Variants in MX2 observed in about 807,000 individuals in gnomAD.
MX2 encodes the protein MX dynamin like GTPase 2, also known as interferon-induced GTP-binding protein Mx2.
In MX2, 51 loss-of-function variants were observed where a neutral mutation model predicts 74.0. The observed-to-expected ratio is 0.69, with a 90% confidence interval of 0.55 to 0.87. The LOEUF (loss-of-function observed/expected upper bound fraction) is 0.87, where lower values mean the gene tolerates loss of function less well. Ranked by LOEUF, MX2 falls within the 40% of genes least tolerant of loss-of-function variation. MX2 has a pLI of 0.00. For synonymous variants in MX2, 369 were observed against 339.3 expected (o/e 1.09, Z -0.96); for missense variants, 832 against 908.7 (o/e 0.92, Z 1.09).
intron 1 of MX2, chr21:41,370,622 A>G (rs1166621539): frequency 6.6e-6 from 1 of 152,256 alleles, no homozygotes; most frequent in Non-Finnish European, 1.5e-5. Context: ...AAGAGTTGGA[A>G]GCAAAAATCT....
chr21:41,399,421 AAGAG>A, intron 10 of MX2, 84 bp downstream of exon 10: 1 of 1,443,474 alleles, frequency 6.9e-7, no homozygotes, highest in Non-Finnish European at 9.5e-7. Flanking sequence ...TAAGTGTGCC[AAGAG>A]TGGAACACGT....
At chr21:41,387,125 G>T (rs2089590029) in intron 5 of MX2, among the ~76,000 whole-genome samples, 1 of 152,174 alleles carries the variant, frequency 6.6e-6, no homozygotes, top group Non-Finnish European at 1.5e-5. Context: ...TCTCTTCTCA[G>T]ATTCTTCATT....
intron 4 of MX2, among the ~76,000 whole-genome samples, chr21:41,381,066 C>T (rs894946875): frequency 5.3e-5 from 8 of 152,248 alleles, no homozygotes; most frequent in African/African-American, 1.9e-4. Context: ...CACAGAACCC[C>T]TGTCTGCCTG....
In MX2 at chr21:41,395,772, C is replaced by T; in HGVS notation, c.1057C>T (p.His353Tyr). ...GAAAGAAATTACATTCTTTCAAACACATCCATATTTCAGGTGAGACTCTTC... is the reference window on the plus strand; with the variant it reads ...GAAAGAAATTACATTCTTTCAAACATATCCATATTTCAGGTGAGACTCTTC... ...TKKEITFFQT[H>Y]PYFRVLLEEG... The change falls in exon 7 of 14, where the codon CAT (histidine) becomes TAT (tyrosine). Residue 353 changes from histidine to tyrosine, a missense_variant. Physicochemically the swap from His to Tyr is moderately conservative, Grantham distance 83. Coordinates refer to ENST00000330714, the MANE Select transcript of MX2 (RefSeq NM_002463.2). 1 of 1,614,112 alleles carries T rather than the reference C, an allele frequency of 6.2e-7. No homozygotes were observed. Among genetic ancestry groups the T allele is most frequent in the Non-Finnish European group, 8.5e-7 (1 of 1,180,032 alleles).
rs56903696 is a variant in MX2 at position 41,362,750 on chromosome 21, CT to C, written c.-72+721del. On this transcript the variant is annotated intron_variant, in intron 1 of 13. Transcript: ENST00000330714. ...GGTATTGATGACGCAGTTTTTTTTT[CT>C]TTTTTTTTTTTTTTTTTTTTTTTTT... Among the ~76,000 whole-genome samples the C allele has an allele frequency of 6.1e-3, 503 of 82,170 alleles. 6 individuals are homozygous for C. Among genetic ancestry groups the C allele is most frequent in the African/African-American group, 0.022 (448 of 20,276 alleles). 53.9% of individuals were successfully genotyped at this position (82,170 alleles called of 152,430 possible).
rs77609941 is a variant in MX2, at chr21:41,380,208, G to A, written c.577+57G>A. On this transcript the variant is annotated intron_variant, in intron 4 of 13. Transcript: ENST00000330714. This position sits in a 1 kb window ranked among gnomAD's most constrained non-coding sequence, Gnocchi z 4.3. ...GGCAGCCGCTCCTCTCACTTCCTCGGTTCCTTCTCCTCTTCCTCAAGTCAC... is the reference window on the plus strand; with the variant it reads ...GGCAGCCGCTCCTCTCACTTCCTCGATTCCTTCTCCTCTTCCTCAAGTCAC... 6.2e-7 allele frequency: 1 copy of A among 1,606,692 alleles called. No individual in the cohort carries two copies. The highest frequency in any genetic ancestry group is 1.3e-5 in the African/African-American group (1 of 74,786).
At chr21:41,372,059 A>G (rs1443336876) in intron 1 of MX2, among the ~76,000 whole-genome samples, 1 of 152,230 alleles carries the variant, frequency 6.6e-6, no homozygotes, top group Non-Finnish European at 1.5e-5. Flanking sequence ...CAGTAAGTCT[A>G]TAATCTTTTG....
intron 13 of MX2, 42 bp from the exon 14 acceptor site, chr21:41,407,949 G>A: frequency 6.2e-7 from 1 of 1,611,368 alleles, no homozygotes. Flanking sequence ...CAGGCCTTGG[G>A]CTGAGACCAC....
At position 41,408,166 on chromosome 21, in the gene MX2, A is replaced by G. The variant is rs1364517483; in HGVS notation, c.2081A>G (p.Glu694Gly). The stretch of plus-strand genomic sequence containing the variant: ...GCTACCAAGAGAAGAATCCTTAAGG[A>G]GAGAATTTACCGGCTCACTCAGGCG... Reference protein sequence around the residue: ...ETATKRRILKERIYRLTQARH... With the variant: ...ETATKRRILKGRIYRLTQARH... The change falls in exon 14 of 14, where the codon GAG becomes GGG. Residue 694 changes from glutamate to glycine, a missense_variant. Coordinates refer to ENST00000330714, the MANE Select transcript of MX2 (RefSeq NM_002463.2). The G allele has an allele frequency of 1.2e-6, 2 of 1,614,094 alleles. No individual in the cohort carries two copies. The highest frequency in any genetic ancestry group is 1.3e-5 in the African/African-American group (1 of 74,920).
chr21:41,404,227 C>T (rs1201594866), intron 12 of MX2: 1 of 153,556 alleles, frequency 6.5e-6, no homozygotes, highest in Non-Finnish European at 1.4e-5. Context: ...TAGACACAGC[C>T]TTGCAGCAGC....
rs767661030 is a variant in MX2 at position 41,390,567 on chromosome 21, C to T, written c.735C>T (p.Ile245=). The change falls in exon 6 of 14, where the codon ATC becomes ATT. Residue 245 remains isoleucine (I), a splice_region_variant and synonymous_variant. Transcript: ENST00000330714. ...TTTGTGCGATTCTTTGGCATCAGATCAAGGCTCTCATCAAGAAGTACATCC... is the reference window on the plus strand; with the variant it reads ...TTTGTGCGATTCTTTGGCATCAGATTAAGGCTCTCATCAAGAAGTACATCC... ...DNQPRDIGLQ[I]KALIKKYIQR... is the part of the protein sequence containing the mutation. 6.2e-7 allele frequency: 1 copy of T among 1,614,102 alleles called. No homozygotes were observed. Among genetic ancestry groups the T allele is most frequent in the Non-Finnish European group, 8.5e-7 (1 of 1,179,986 alleles).
chr21:41,396,364 G>A (rs966185965), intron 7 of MX2, among the ~76,000 whole-genome samples: 1 of 152,214 alleles, frequency 6.6e-6, no homozygotes, highest in African/African-American at 2.4e-5. Context: ...TCTGTAGTTT[G>A]TAGGACGCTG....
intron 8 of MX2, among the ~76,000 whole-genome samples, 161 bp from the exon 9 acceptor site, chr21:41,398,735 TG>T (rs1387857567): frequency 6.6e-6 from 1 of 152,214 alleles, no homozygotes; most frequent in Non-Finnish European, 1.5e-5. Context: ...CCAGTCAAGG[TG>T]GCCTACACAT....
At chr21:41,393,036 G>C (rs971706093) in intron 6 of MX2, among the ~76,000 whole-genome samples, 3 of 139,538 alleles carry the variant, frequency 2.1e-5, no homozygotes, top group Non-Finnish European at 3.0e-5. Flanking sequence ...AACCTGAGAC[G>C]AAGTTTGCAG....
chr21:41,403,949 G>A (rs956530453), intron 12 of MX2: 2 of 248,156 alleles, frequency 8.1e-6, no homozygotes, highest in African/African-American at 4.6e-5. Context: ...GCCTGTTAGT[G>A]AAAATTAAAT....
At position 41,402,709 on chromosome 21, in the gene MX2, A is replaced by G. The variant is rs466110; in HGVS notation, c.1574-558A>G. The G allele has an allele frequency of 0.76, 120,285 of 157,586 alleles. 46,490 individuals carry two copies. Among genetic ancestry groups the G allele is most frequent in the Non-Finnish European group, 0.83 (59,216 of 71,078 alleles). The allele number at this position is 157,586 out of a possible 1,614,324, so 9.8% of individuals were successfully genotyped here. On this transcript the variant is annotated intron_variant, in intron 11 of 13. Coordinates refer to ENST00000330714, the MANE Select transcript of MX2 (RefSeq NM_002463.2). This position sits in a 1 kb window ranked among gnomAD's most constrained non-coding sequence, Gnocchi z 4.5. ...AAATAATTACACAGCTCACCAAAAT[A>G]TAGAATCCTCATTATGGTGGGAGCC... is the stretch of plus-strand genomic sequence containing the variant.
intron 5 of MX2, among the ~76,000 whole-genome samples, chr21:41,384,566 G>A (rs1025184159): frequency 1.3e-5 from 2 of 152,178 alleles, no homozygotes; most frequent in African/African-American, 4.8e-5. Flanking sequence ...ACAGCCACGT[G>A]CCCTATGGGA....
rs552403297 is a variant in MX2 at position 41,390,484 on chromosome 21, C to G, written c.733-81C>G. On this transcript the variant is annotated intron_variant, in intron 5 of 13. Coordinates refer to ENST00000330714, the MANE Select transcript of MX2 (RefSeq NM_002463.2). Reference sequence around the variant, plus strand: ...TGGGACAATGTTGCCTTTGCGCCATCATGCCTGCCTGCCTGGCCGTGCTGC... The same window carrying G: ...TGGGACAATGTTGCCTTTGCGCCATGATGCCTGCCTGCCTGGCCGTGCTGC... 2.3e-4 allele frequency: 363 copies of G among 1,585,500 alleles called. 6 individuals are homozygous for G. The South Asian group carries it at 3.9e-3, about 17-fold the overall frequency.
chr21:41,369,505 CG>C lies in MX2; in HGVS notation c.-71-7327del, dbSNP rs749825916. 2.1e-3 allele frequency among the ~76,000 whole-genome samples: 320 copies of C among 152,242 alleles called. 2 individuals carry two copies. Among genetic ancestry groups the C allele is most frequent in the Non-Finnish European group, 3.8e-3 (260 of 68,012 alleles). On this transcript the variant is annotated intron_variant, in intron 1 of 13. Coordinates refer to ENST00000330714, the MANE Select transcript of MX2 (RefSeq NM_002463.2). ...GGTGACATCTGGGGATGAGGCTGGC[CG>C]GGGCACGGGGCAGGTTTTTGAGCCC...
Sources: gnomAD v4.1 joint callset for allele counts (sites outside exome capture counted in the v4.1 genomes callset) on GRCh38, gnomAD v4.1.1 for gene constraint, Gnocchi (gnomAD v3.1) non-coding constraint, MANE v1.5 for transcripts, NCBI Gene and HGNC (gene_info 2026-07-23, HGNC 2026-07-21) for gene names.